The following AMPD3 variants were observed in gnomAD, a reference collection of about 807,000 sequenced individuals.
AMPD3 encodes AMP deaminase 3.
In AMPD3, 57 loss-of-function variants were observed where a neutral mutation model predicts 82.3. The observed-to-expected ratio is 0.69, with a 90% confidence interval of 0.56 to 0.86. AMPD3 has a LOEUF of 0.86. Ranked by LOEUF, AMPD3 falls within the 40% of genes least tolerant of loss-of-function variation. The probability of loss-of-function intolerance (pLI) is 0.00; values close to 1 mark genes in which losing one functional copy is unlikely to be tolerated. For synonymous variants in AMPD3, 381 were observed against 394.7 expected (o/e 0.97, Z 0.41); for missense variants, 870 against 1,003.8 (o/e 0.87, Z 1.80).
intron 2 of AMPD3, among the ~76,000 whole-genome samples, chr11:10,465,187 A>G (rs1848383829): frequency 6.6e-6 from 1 of 152,242 alleles, no homozygotes; most frequent in Admixed American, 6.5e-5. Context: ...TAGACAGTCA[A>G]CAGTGAGAGA....
upstream of AMPD3, among the ~76,000 whole-genome samples, chr11:10,454,919 T>G (rs142854075): frequency 1.3e-5 from 2 of 152,290 alleles, no homozygotes; most frequent in East Asian, 3.9e-4. Context: ...TTGCACTGTT[T>G]ATGAAACAGC....
chr11:10,461,817 T>A, intron 2 of AMPD3, 77 bp downstream of exon 2: 1 of 1,390,524 alleles, frequency 7.2e-7, no homozygotes, highest in Non-Finnish European at 1.0e-6. Context: ...TGTCCTGATA[T>A]GAGGCACCTC....
rs1849618445 is a variant in AMPD3, at chr11:10,502,894, G to A, written c.2016G>A (p.Lys672=). ...TDDPMQFHYT[K]EALMEEYAIA... is the part of the protein sequence containing the mutation. ...ACCCCATGCAGTTCCACTACACGAAGGTAAGGACTTTGGGGTGAGGACAGT... is the reference window on the plus strand; with the variant it reads ...ACCCCATGCAGTTCCACTACACGAAAGTAAGGACTTTGGGGTGAGGACAGT... The change falls in exon 13 of 15, where the codon AAG becomes AAA. Residue 672 remains lysine (K), a splice_region_variant and synonymous_variant. Transcript: ENST00000396553. 1.2e-6 allele frequency: 2 copies of A among 1,613,992 alleles called. No individual in the cohort carries two copies. Among genetic ancestry groups the A allele is most frequent in the Middle Eastern group, 1.6e-4 (1 of 6,084 alleles).
chr11:10,458,091 G>A (rs1212360101), intron 1 of AMPD3, among the ~76,000 whole-genome samples: 1 of 151,956 alleles, frequency 6.6e-6, no homozygotes, highest in Non-Finnish European at 1.5e-5. Context: ...GATGGCTTCT[G>A]TCCAGGGTAG....
intron 2 of AMPD3, chr11:10,476,853 C>A: frequency 1.1e-6 from 1 of 933,638 alleles, no homozygotes; most frequent in Non-Finnish European, 1.3e-6. Flanking sequence ...GGAGGACAGA[C>A]CAGAGAAAGC....
chr11:10,486,975 A>C (rs1206433766), intron 5 of AMPD3: 1 of 985,206 alleles, frequency 1.0e-6, no homozygotes, highest in Non-Finnish European at 1.2e-6. Context: ...TAAACACATA[A>C]ACAAGAAGTC....
chr11:10,454,298 T>C (rs143680058), upstream of AMPD3, among the ~76,000 whole-genome samples: 1 of 152,340 alleles, frequency 6.6e-6, no homozygotes, highest in Non-Finnish European at 1.5e-5. Context: ...TGCTGGTTTC[T>C]GTCTGAACCC....
At chr11:10,461,946 C>T (rs1411295381) in intron 2 of AMPD3, among the ~76,000 whole-genome samples, 2 of 152,172 alleles carry the variant, frequency 1.3e-5, no homozygotes, top group Non-Finnish European at 2.9e-5. Flanking sequence ...TCAAAACCCA[C>T]TTTGCTGCTG....
At chr11:10,462,812 G>A (rs919095531) in intron 2 of AMPD3, among the ~76,000 whole-genome samples, 6 of 152,206 alleles carry the variant, frequency 3.9e-5, no homozygotes, top group East Asian at 3.8e-4. Context: ...ACATCTTAGC[G>A]GATGCTTCAG....
upstream of AMPD3, among the ~76,000 whole-genome samples, chr11:10,453,648 GTGCAATGTCAGCTCAC>G (rs774961338): frequency 6.6e-6 from 1 of 151,934 alleles, no homozygotes; most frequent in Non-Finnish European, 1.5e-5. Context: ...CAGTGCAGTG[GTGCAATGTCAGCTCAC>G]TGCAACTTCT....
At chr11:10,458,634 A>AT (rs1012750324) in intron 1 of AMPD3, among the ~76,000 whole-genome samples, 1 of 151,930 alleles carries the variant, frequency 6.6e-6, no homozygotes, top group African/African-American at 2.4e-5. Context: ...CTGTATTTTT[A>AT]TTTTTTTATG....
chr11:10,479,993 G>C (rs956387693), intron 3 of AMPD3: 1 of 985,078 alleles, frequency 1.0e-6, no homozygotes, highest in Non-Finnish European at 1.2e-6. Flanking sequence ...GCATTGGAAA[G>C]CAAGAGTCGA....
At chr11:10,472,300 A>G (rs1848617490) in intron 2 of AMPD3, among the ~76,000 whole-genome samples, 1 of 147,048 alleles carries the variant, frequency 6.8e-6, no homozygotes, top group Non-Finnish European at 1.5e-5. Context: ...TTGGGGGGTG[A>G]GGGGCTAGGG....
chr11:10,496,762 G>T, intron 9 of AMPD3, 50 bp from the exon 10 acceptor site: 1 of 1,613,826 alleles, frequency 6.2e-7, no homozygotes, highest in East Asian at 2.2e-5. Context: ...CTCTGACAGG[G>T]CAGCAGGCTG....
intron 2 of AMPD3, among the ~76,000 whole-genome samples, chr11:10,476,541 T>G (rs1231198155): frequency 6.6e-6 from 1 of 152,116 alleles, no homozygotes; most frequent in Non-Finnish European, 1.5e-5. Context: ...TGTCACCTGT[T>G]GCTTCTTGTT....
chr11:10,467,583 A>G (rs1357187450), intron 2 of AMPD3, among the ~76,000 whole-genome samples: 2 of 152,254 alleles, frequency 1.3e-5, no homozygotes, highest in African/African-American at 2.4e-5. Context: ...AAACAAGTGG[A>G]AAACACTCTT....
intron 1 of AMPD3, among the ~76,000 whole-genome samples, chr11:10,458,634 AT>A (rs1012750324): frequency 2.6e-5 from 4 of 151,930 alleles, no homozygotes; most frequent in Admixed American, 6.6e-5. Flanking sequence ...CTGTATTTTT[AT>A]TTTTTTATGT....
chr11:10,461,653 A>T lies in AMPD3; in HGVS notation c.134A>T (p.Glu45Val), dbSNP rs1331273720. 6.2e-7 allele frequency: 1 copy of T among 1,614,272 alleles called. No individual in the cohort carries two copies. Among genetic ancestry groups the T allele is most frequent in the South Asian group, 1.1e-5 (1 of 91,084 alleles). ...KDALSLFTVPEDCPIGQKEAK... is the reference protein window; with the variant it reads ...KDALSLFTVPVDCPIGQKEAK... ...GCCCTGTCCCTGTTCACTGTCCCAG[A>T]GGACTGCCCCATCGGGCAAAAGGAA... Residue 45 changes from glutamate (E) to valine (V), a missense_variant, in exon 2 of 15, where the codon GAG (glutamate) becomes GTG (valine). Physicochemically the swap from Glu to Val is moderately radical, Grantham distance 121. Coordinates refer to ENST00000396553, the MANE Select transcript of AMPD3 (RefSeq NM_001025389.2).
chr11:10,483,815 G>A (rs1170366456), intron 4 of AMPD3, among the ~76,000 whole-genome samples: 1 of 152,232 alleles, frequency 6.6e-6, no homozygotes, highest in East Asian at 1.9e-4. Flanking sequence ...GCCCAGGCAG[G>A]TCACTCTGCC....
Sources: gnomAD v4.1 joint callset for allele counts (sites outside exome capture counted in the v4.1 genomes callset) on GRCh38, gnomAD v4.1.1 for gene constraint, MANE v1.5 for transcripts, NCBI Gene and HGNC (gene_info 2026-07-23, HGNC 2026-07-21) for gene names.